Variants in RBFOX1 observed in about 807,000 individuals in gnomAD.
RBFOX1 encodes RNA binding fox-1 homolog 1, also known as RNA binding protein fox-1 homolog 1.
A neutral mutation model predicts 57.7 loss-of-function variants in RBFOX1; 8 were observed. The ratio of observed to expected loss-of-function variants is 0.14; its 90% confidence interval spans 0.08 to 0.25. The LOEUF (loss-of-function observed/expected upper bound fraction) is 0.25. RBFOX1 is among the 10% of genes least tolerant of loss of function. RBFOX1 has a pLI of 1.00. For missense variants in RBFOX1, 611 were observed against 548.5 expected (o/e 1.11, Z -1.14); for synonymous variants, 326 against 222.4 (o/e 1.47, Z -4.15).
intron 3 of RBFOX1, among the ~76,000 whole-genome samples, chr16:5,643,872 C>T (rs931771007): frequency 6.6e-6 from 1 of 152,186 alleles, no homozygotes; most frequent in African/African-American, 2.4e-5. Context: ...CACGCATAAA[C>T]AGTATGAATA....
At chr16:6,861,077 C>T (rs538804650) in intron 3 of RBFOX1, among the ~76,000 whole-genome samples, 1 of 152,164 alleles carries the variant, frequency 6.6e-6, no homozygotes, top group East Asian at 1.9e-4. Flanking sequence ...ACAAGGATTC[C>T]ATTATATTTG....
rs149154616 is a variant in RBFOX1 at position 5,408,992 on chromosome 16, C to T, written c.220-58224C>T. Among the ~76,000 whole-genome samples the T allele has an allele frequency of 7.4e-3, 1,133 of 152,310 alleles. 10 individuals carry two copies. Among genetic ancestry groups the T allele is most frequent in the Non-Finnish European group, 0.012 (800 of 68,030 alleles). ...TACAGTTCAGTGTGAGATTTGGTGG[C>T]GACAAATATACAAACTGTATCGGCG... On this transcript the variant is annotated intron_variant, in intron 1 of 2. Transcript: ENST00000585867.
chr16:6,936,449 G>T (rs777455703), intron 3 of RBFOX1, among the ~76,000 whole-genome samples: 1 of 152,142 alleles, frequency 6.6e-6, no homozygotes, highest in Non-Finnish European at 1.5e-5. Flanking sequence ...GTTAGTGCCT[G>T]TCCTATTATC....
intron 1 of RBFOX1, among the ~76,000 whole-genome samples, chr16:6,193,402 A>ATATATATAG (rs2097158329): frequency 1.0e-5 from 1 of 97,444 alleles, no homozygotes; most frequent in Non-Finnish European, 2.0e-5. Flanking sequence ...CTATATATAT[A>ATATATATAG]TATATATATA....
intron 1 of RBFOX1, among the ~76,000 whole-genome samples, chr16:5,251,564 G>A (rs1276586387): frequency 6.6e-6 from 1 of 152,172 alleles, no homozygotes; most frequent in Non-Finnish European, 1.5e-5. Flanking sequence ...GGAAAGAAGT[G>A]GGGCTTCTCA....
At chr16:5,288,307 C>T (rs1057306167) in intron 1 of RBFOX1, among the ~76,000 whole-genome samples, 3 of 152,212 alleles carry the variant, frequency 2.0e-5, no homozygotes, top group Non-Finnish European at 2.9e-5. Context: ...TAGGAGGCTG[C>T]TGTTCAATTC....
chr16:6,555,073 G>T (rs535089730), intron 2 of RBFOX1, among the ~76,000 whole-genome samples: 2 of 152,122 alleles, frequency 1.3e-5, no homozygotes, highest in Non-Finnish European at 2.9e-5. Flanking sequence ...AAAAATTCTT[G>T]CACATGGAAA....
At chr16:6,441,489 C>G (rs891060290) in intron 2 of RBFOX1, among the ~76,000 whole-genome samples, 1 of 151,818 alleles carries the variant, frequency 6.6e-6, no homozygotes, top group African/African-American at 2.4e-5. Context: ...CAATCTCGGC[C>G]CACTGCAACC....
intron 3 of RBFOX1, among the ~76,000 whole-genome samples, chr16:5,662,474 A>T (rs1457763849): frequency 1.3e-5 from 2 of 152,230 alleles, no homozygotes; most frequent in East Asian, 3.9e-4. Flanking sequence ...AGAAAATGAG[A>T]GTAAAACATG....
intron 1 of RBFOX1, among the ~76,000 whole-genome samples, chr16:5,346,731 G>C (rs1233416275): frequency 6.6e-6 from 1 of 152,166 alleles, no homozygotes; most frequent in Non-Finnish European, 1.5e-5. Flanking sequence ...CTTGTGGAAG[G>C]ATGTAACGGT....
Position 6,278,422 on chromosome 16 carries a change from A to G in RBFOX1, c.-126-38573A>G, listed in dbSNP as rs963597696. Among the ~76,000 whole-genome samples, 6 of 148,658 alleles carry G rather than the reference A, an allele frequency of 4.0e-5. No homozygotes were observed. In the East Asian group the frequency reaches 1.2e-3, roughly 30 times the overall value. On this transcript the variant is annotated intron_variant, in intron 1 of 15. Coordinates refer to ENST00000550418, the MANE Select transcript of RBFOX1 (RefSeq NM_018723.4). ...AAAAAAAAAAAAAAAATAGAGGCAC[A>G]ACACAAGAAGAGTATTACCTAATCG... is the stretch of plus-strand genomic sequence containing the variant.
chr16:7,297,387 T>G (rs1377964576), intron 4 of RBFOX1, among the ~76,000 whole-genome samples: 1 of 152,174 alleles, frequency 6.6e-6, no homozygotes, highest in East Asian at 1.9e-4. Flanking sequence ...CTCAGCAGCC[T>G]TGGCACCTGA....
In RBFOX1 at chr16:7,200,805, G is replaced by A. The variant is rs1275390735; in HGVS notation, c.27+148707G>A. Among the ~76,000 whole-genome samples the A allele has an allele frequency of 2.6e-5, 4 of 152,142 alleles. No individual in the cohort carries two copies. The East Asian group carries it at 5.8e-4, about 22-fold the overall frequency. On this transcript the variant is annotated intron_variant, in intron 4 of 15. Transcript: ENST00000550418. ...CCTCTAATAGGGACTAACTCATCGTGATGAAAACACCATAGGCCCTTTCAT... is the reference window on the plus strand; with the variant it reads ...CCTCTAATAGGGACTAACTCATCGTAATGAAAACACCATAGGCCCTTTCAT...
intron 3 of RBFOX1, among the ~76,000 whole-genome samples, chr16:6,799,775 C>A (rs779025981): frequency 6.6e-6 from 1 of 152,002 alleles, no homozygotes; most frequent in African/African-American, 2.4e-5. Context: ...GCCTTTGGAC[C>A]GCTGGACTTA....
intron 2 of RBFOX1, among the ~76,000 whole-genome samples, chr16:6,546,942 C>A (rs377125533): frequency 2.0e-5 from 3 of 152,108 alleles, no homozygotes; most frequent in Non-Finnish European, 2.9e-5. Context: ...AAGTGTGGTC[C>A]GTAGATTCAA....
intron 2 of RBFOX1, among the ~76,000 whole-genome samples, chr16:6,482,588 C>T (rs1383596317): frequency 2.6e-5 from 4 of 152,190 alleles, no homozygotes; most frequent in Non-Finnish European, 5.9e-5. Context: ...ACAGAGACGA[C>T]AGTTGTTTTT....
chr16:6,560,842 C>T (rs144905141), intron 2 of RBFOX1, among the ~76,000 whole-genome samples: 1 of 152,156 alleles, frequency 6.6e-6, no homozygotes, highest in African/African-American at 2.4e-5. Flanking sequence ...TCTCCAAGAT[C>T]AAGCCTAGTG....
At chr16:5,958,052 A>T (rs1190263677) in intron 4 of RBFOX1, among the ~76,000 whole-genome samples, 1 of 152,090 alleles carries the variant, frequency 6.6e-6, no homozygotes, top group East Asian at 1.9e-4. Flanking sequence ...TTTGATGGGC[A>T]TCTTTAGACC....
chr16:6,034,425 C>A (rs2095336903), intron 1 of RBFOX1, among the ~76,000 whole-genome samples: 1 of 150,250 alleles, frequency 6.7e-6, no homozygotes, highest in Non-Finnish European at 1.5e-5. Context: ...CTGGGAAGTC[C>A]ATGATCAAGG....
Sources: allele counts gnomAD v4.1 joint callset (sites outside exome capture counted in the v4.1 genomes callset), GRCh38; gene constraint gnomAD v4.1.1; transcripts MANE v1.5; gene names NCBI Gene and HGNC (gene_info 2026-07-23, HGNC 2026-07-21).